Variants in CPNE5 observed in about 807,000 individuals in gnomAD.
CPNE5 encodes the protein copine-5.
CPNE5 carries 42 observed loss-of-function variants against 81.1 expected under a neutral mutation model. The observed-to-expected ratio is 0.52, with a 90% CI of 0.40 to 0.67. The LOEUF (loss-of-function observed/expected upper bound fraction) is 0.67, where lower values mean the gene tolerates loss of function less well. Ranked by LOEUF, CPNE5 falls within the 30% of genes least tolerant of loss-of-function variation. The pLI, the probability that CPNE5 is intolerant of heterozygous loss-of-function variation, is 0.00. For synonymous variants in CPNE5, 313 were observed against 321.5 expected (o/e 0.97, Z 0.28); for missense variants, 612 against 815.5 (o/e 0.75, Z 3.04).
chr6:36,787,737 G>C (rs368989309), intron 8 of CPNE5, among the ~76,000 whole-genome samples: 1 of 152,242 alleles, frequency 6.6e-6, no homozygotes, highest in South Asian at 2.1e-4. Flanking sequence ...GGAGGCCCCC[G>C]GGGCAGTTAT....
intron 3 of CPNE5, among the ~76,000 whole-genome samples, chr6:36,807,060 T>A (rs1770660221): frequency 6.6e-6 from 1 of 152,228 alleles, no homozygotes; most frequent in Admixed American, 6.5e-5. Flanking sequence ...GTTTGTGACA[T>A]CCTGAAATTG....
At chr6:36,771,226 C>T (rs1767009915) in intron 10 of CPNE5, among the ~76,000 whole-genome samples, 1 of 152,190 alleles carries the variant, frequency 6.6e-6, no homozygotes, top group Admixed American at 6.5e-5. Flanking sequence ...TAGTAAGCCT[C>T]CCCCAGATGC....
At position 36,745,111 on chromosome 6, in the gene CPNE5, C is replaced by T. The variant is rs1763990729; in HGVS notation, c.1368G>A (p.Val456=). 1 of 1,613,986 alleles carries T rather than the reference C, an allele frequency of 6.2e-7. No individual in the cohort carries two copies. Among genetic ancestry groups the T allele is most frequent in the Non-Finnish European group, 8.5e-7 (1 of 1,180,002 alleles). ...AAVQDGSQYS[V]LLIITDGVIS... ...TGACCCCATCAGTAATGATGAGCAGCACCGAGTACTGGGAGCCATCCTGCA... is the reference window on the plus strand; with the variant it reads ...TGACCCCATCAGTAATGATGAGCAGTACCGAGTACTGGGAGCCATCCTGCA... The change falls in exon 18 of 21, where the codon GTG becomes GTA. Residue 456 remains valine, a synonymous_variant. Transcript: ENST00000244751.
intron 20 of CPNE5, among the ~76,000 whole-genome samples, 165 bp downstream of exon 20, chr6:36,743,524 C>T (rs540922148): frequency 2.9e-4 from 44 of 152,344 alleles, no homozygotes; most frequent in South Asian, 1.5e-3. Context: ...ACAGCATGGC[C>T]GAGGACTGAC....
At chr6:36,771,549 T>C (rs1767035808) in intron 10 of CPNE5, among the ~76,000 whole-genome samples, 1 of 152,238 alleles carries the variant, frequency 6.6e-6, no homozygotes, top group Non-Finnish European at 1.5e-5. Flanking sequence ...GCTATTATCA[T>C]GACCTGTCTG....
chr6:36,810,423 C>A (rs558741287), intron 3 of CPNE5, among the ~76,000 whole-genome samples: 1 of 152,330 alleles, frequency 6.6e-6, no homozygotes, highest in Non-Finnish European at 1.5e-5. Flanking sequence ...AGCCCTGGCC[C>A]CTCATGAATC....
At chr6:36,827,817 C>T (rs532408303) in intron 1 of CPNE5, 1 of 919,282 alleles carries the variant, frequency 1.1e-6, no homozygotes, top group South Asian at 5.0e-5. Context: ...TACTTTTTCT[C>T]CACTTTCTTT....
intron 8 of CPNE5, 148 bp from the exon 9 acceptor site, chr6:36,779,105 C>A: frequency 1.8e-6 from 1 of 568,126 alleles, no homozygotes; most frequent in Non-Finnish European, 3.2e-6. Flanking sequence ...CTCAGACGGC[C>A]CCCCAGCAGG....
At chr6:36,775,135 G>A in intron 9 of CPNE5, 70 bp from the exon 10 acceptor site, 2 of 1,114,662 alleles carry the variant, frequency 1.8e-6, no homozygotes, top group African/African-American at 1.5e-5. Flanking sequence ...GGTCAACAGA[G>A]GAGTCAGCTG....
intron 8 of CPNE5, among the ~76,000 whole-genome samples, chr6:36,784,358 G>A (rs1768326717): frequency 6.6e-6 from 1 of 152,214 alleles, no homozygotes; most frequent in Admixed American, 6.5e-5. Context: ...CTCCCTAATG[G>A]GTACCCATGC....
At chr6:36,792,202 T>G in intron 7 of CPNE5, 106 bp from the exon 8 acceptor site, 1 of 885,036 alleles carries the variant, frequency 1.1e-6, no homozygotes, top group Non-Finnish European at 1.8e-6. Context: ...CCCCCTACCA[T>G]CCAGCAGATC....
chr6:36,813,897 T>C lies in CPNE5; in HGVS notation c.183+8217A>G, dbSNP rs142496741. Among the ~76,000 whole-genome samples, 756 of 152,292 alleles carry C rather than the reference T, an allele frequency of 5.0e-3. 5 individuals carry two copies. Among genetic ancestry groups the C allele is most frequent in the African/African-American group, 0.017 (726 of 41,546 alleles). On this transcript the variant is annotated intron_variant, in intron 3 of 20. Transcript: ENST00000244751. ...TGTGATGGAGTGCCCAGGTCAATGG[T>C]AGATTGCGGTTAATATTTCCAGGCA...
chr6:36,756,142 C>T lies in CPNE5; in HGVS notation c.909+103G>A, dbSNP rs774307820. ...CTCTTGGATGTCTGATTCCCACGCT[C>T]AGCCCCTGCACACACACAGACGCAC... On this transcript the variant is annotated intron_variant, in intron 13 of 20. Transcript: ENST00000244751. 8.0e-6 allele frequency: 6 copies of T among 748,994 alleles called. No homozygotes were observed. The South Asian group carries it at 8.1e-5, about 10-fold the overall frequency. 46.4% of individuals were successfully genotyped at this position (748,994 alleles called of 1,614,324 possible). A position where few individuals can be genotyped will look rare whatever the true frequency, so the allele number is the denominator to read the frequency against.
At chr6:36,820,627 A>G (rs1373701351) in intron 3 of CPNE5, among the ~76,000 whole-genome samples, 2 of 152,026 alleles carry the variant, frequency 1.3e-5, no homozygotes, top group African/African-American at 2.4e-5. Flanking sequence ...GCCCTTGTGG[A>G]GCTGACACAT....
At chr6:36,779,961 C>A (rs1372165963) in intron 8 of CPNE5, among the ~76,000 whole-genome samples, 3 of 141,180 alleles carry the variant, frequency 2.1e-5, no homozygotes, top group Non-Finnish European at 4.6e-5. Flanking sequence ...ACACATCCCC[C>A]CTTCCTATTT....
chr6:36,791,000 G>C (rs1769043944), intron 8 of CPNE5, among the ~76,000 whole-genome samples: 1 of 152,298 alleles, frequency 6.6e-6, no homozygotes, highest in East Asian at 1.9e-4. Context: ...CCGTAGCACT[G>C]ACCTCCCAGG....
intron 3 of CPNE5, among the ~76,000 whole-genome samples, chr6:36,807,238 T>C (rs1449417348): frequency 6.6e-6 from 1 of 152,222 alleles, no homozygotes; most frequent in Admixed American, 6.5e-5. Flanking sequence ...GTGAAGTCGT[T>C]AATAGTGCAG....
chr6:36,796,809 G>T (rs1769620804), intron 6 of CPNE5, among the ~76,000 whole-genome samples: 2 of 152,052 alleles, frequency 1.3e-5, no homozygotes, highest in Admixed American at 1.3e-4. Flanking sequence ...ACCTTTTGGG[G>T]GCCAAGGAAA....
In CPNE5 at chr6:36,744,541, G is replaced by A. The variant is rs548887076; in HGVS notation, c.1432-216C>T. Reference sequence around the variant, plus strand: ...CCAGGCTGCGCCTGGAGGAGAGAGGGAGGGTGGCAGGGGGAATGGGTCATA... The same window carrying A: ...CCAGGCTGCGCCTGGAGGAGAGAGGAAGGGTGGCAGGGGGAATGGGTCATA... On this transcript the variant is annotated intron_variant, in intron 18 of 20. Transcript: ENST00000244751. 1,352 of 593,192 alleles carry A rather than the reference G, an allele frequency of 2.3e-3. 8 individuals are homozygous for A. The highest frequency in any genetic ancestry group is 3.4e-3 in the Non-Finnish European group (1,127 of 332,292). The allele number at this position is 593,192 out of a possible 1,614,324, so 36.7% of individuals were successfully genotyped here.
Sources: gnomAD v4.1 joint callset for allele counts (sites outside exome capture counted in the v4.1 genomes callset) on GRCh38, gnomAD v4.1.1 for gene constraint, MANE v1.5 for transcripts, NCBI Gene and HGNC (gene_info 2026-07-23, HGNC 2026-07-21) for gene names.